MAPK4: variants seen among roughly 807,000 people sequenced by gnomAD.
The protein encoded by MAPK4 is mitogen-activated protein kinase 4, also known as Erk3-related.
A neutral mutation model predicts 47.7 loss-of-function variants in MAPK4; 22 were observed. The ratio of observed to expected loss-of-function variants is 0.46; its 90% CI spans 0.33 to 0.66. MAPK4 has a LOEUF of 0.66. MAPK4 is among the 30% of genes least tolerant of loss of function. The pLI is 0.02. For missense variants in MAPK4, 736 were observed against 831.7 expected (o/e 0.88, Z 1.42); for synonymous variants, 390 against 365.7 (o/e 1.07, Z -0.76).
At chr18:50,613,986 T>A (rs1269115175) in intron 1 of MAPK4, among the ~76,000 whole-genome samples, 4 of 152,250 alleles carry the variant, frequency 2.6e-5, no homozygotes, top group Non-Finnish European at 5.9e-5. Flanking sequence ...TTTAATATAT[T>A]CTATTCAACT....
At chr18:50,679,619 A>G (rs986194625) in intron 2 of MAPK4, among the ~76,000 whole-genome samples, 3 of 151,774 alleles carry the variant, frequency 2.0e-5, no homozygotes, top group Admixed American at 6.6e-5. Flanking sequence ...GAGCTGGGAC[A>G]AGATCTGCCT....
intron 1 of MAPK4, among the ~76,000 whole-genome samples, chr18:50,582,339 A>G (rs981291057): frequency 3.3e-5 from 5 of 152,188 alleles, no homozygotes; most frequent in African/African-American, 9.7e-5. Context: ...TCTACCACCT[A>G]TCCCCACCCT....
intron 4 of MAPK4, among the ~76,000 whole-genome samples, chr18:50,723,430 A>G (rs1013306777): frequency 1.8e-4 from 28 of 152,260 alleles, no homozygotes; most frequent in African/African-American, 6.8e-4. Flanking sequence ...GATGGATGTC[A>G]CATGGGACAT....
At chr18:50,587,502 G>A (rs1463782030) in intron 1 of MAPK4, among the ~76,000 whole-genome samples, 1 of 152,156 alleles carries the variant, frequency 6.6e-6, no homozygotes, top group Non-Finnish European at 1.5e-5. Context: ...AGTTTGGGGT[G>A]ACTCAAAAGG....
rs1911552324 is a variant in MAPK4, at chr18:50,731,312, C to T, written c.*1458C>T. 1 of 152,222 alleles carries T rather than the reference C, an allele frequency of 6.6e-6. No individual in the cohort carries two copies. Among genetic ancestry groups the T allele is most frequent in the Non-Finnish European group, 1.5e-5 (1 of 68,086 alleles). 9.4% of individuals were successfully genotyped at this position (152,222 alleles called of 1,614,324 possible). ...GGACACTGACAGCCCCTATCTGGTC[C>T]CCAGGAACATTCTACCATTTCTGCC... On this transcript the variant is annotated 3_prime_UTR_variant, in exon 6 of 6. Transcript: ENST00000400384.
At chr18:50,616,566 A>G (rs969546572) in intron 1 of MAPK4, among the ~76,000 whole-genome samples, 1 of 152,230 alleles carries the variant, frequency 6.6e-6, no homozygotes, top group South Asian at 2.1e-4. Flanking sequence ...GACCATCTGC[A>G]GGCTAAGGAG....
chr18:50,560,148 C>G lies in MAPK4; in HGVS notation c.-966C>G, dbSNP rs1412479217. 1.3e-5 allele frequency: 2 copies of G among 149,542 alleles called. No individual in the cohort carries two copies. Among genetic ancestry groups the G allele is most frequent in the African/African-American group, 4.9e-5 (2 of 41,130 alleles). The allele number at this position is 149,542 out of a possible 1,614,324, so 9.3% of individuals were successfully genotyped here. On this transcript the variant is annotated 5_prime_UTR_variant, in exon 1 of 6. Transcript: ENST00000400384. ...GCGACCGCGGGAGCTCGCCGTGCGC[C>G]GTGGCTGGGACCGGCCTGGCCGAGC...
At chr18:50,725,584 G>A (rs556568051) in intron 4 of MAPK4, among the ~76,000 whole-genome samples, 278 of 152,294 alleles carry the variant, frequency 1.8e-3, no homozygotes, top group Middle Eastern at 3.4e-3. Context: ...GGAGTAACCT[G>A]TCATGAGTGT....
chr18:50,603,644 T>C (rs1177179011), intron 1 of MAPK4, among the ~76,000 whole-genome samples: 1 of 152,240 alleles, frequency 6.6e-6, no homozygotes, highest in Non-Finnish European at 1.5e-5. Flanking sequence ...CTCATGGGCC[T>C]GTATGTACAA....
At chr18:50,574,900 A>G (rs2042281706) in intron 1 of MAPK4, among the ~76,000 whole-genome samples, 1 of 152,206 alleles carries the variant, frequency 6.6e-6, no homozygotes, top group South Asian at 2.1e-4. Flanking sequence ...TCAATGTGAA[A>G]GGAGGGATTA....
intron 1 of MAPK4, among the ~76,000 whole-genome samples, chr18:50,599,328 T>G (rs1405985304): frequency 6.6e-6 from 1 of 152,236 alleles, no homozygotes; most frequent in Non-Finnish European, 1.5e-5. Flanking sequence ...TCTTTTTACC[T>G]CACTTCTAAG....
intron 1 of MAPK4, among the ~76,000 whole-genome samples, chr18:50,588,052 G>A (rs1400604402): frequency 2.0e-5 from 3 of 152,140 alleles, no homozygotes; most frequent in Non-Finnish European, 4.4e-5. Flanking sequence ...GTTTATGCCA[G>A]TATTTCTCAG....
intron 2 of MAPK4, among the ~76,000 whole-genome samples, chr18:50,702,308 A>G (rs1259480555): frequency 3.9e-5 from 6 of 152,058 alleles, no homozygotes; most frequent in African/African-American, 7.2e-5. Context: ...AGTCCCAGCT[A>G]CTCAGGAGCC....
intron 5 of MAPK4, among the ~76,000 whole-genome samples, chr18:50,728,436 T>A (rs1911323538): frequency 6.6e-6 from 1 of 152,224 alleles, no homozygotes; most frequent in Non-Finnish European, 1.5e-5. Context: ...TGCAAGGTGC[T>A]ATGGGGCCCC....
chr18:50,593,580 T>A (rs1424449799), intron 1 of MAPK4, among the ~76,000 whole-genome samples: 1 of 152,212 alleles, frequency 6.6e-6, no homozygotes, highest in Non-Finnish European at 1.5e-5. Context: ...GGGCAGGACT[T>A]GTAGTGTGAG....
intron 1 of MAPK4, among the ~76,000 whole-genome samples, chr18:50,617,017 A>G (rs2042690620): frequency 6.6e-6 from 1 of 152,242 alleles, no homozygotes. Flanking sequence ...ATAAATGGCA[A>G]TGACTGTTAT....
chr18:50,730,032 T>C lies in MAPK4; in HGVS notation c.*178T>C. ...TTAAACTGCCTTAATAACTAGCCTT[T>C]AACCTGTGGGAGCGGGTTTGAACAG... On this transcript the variant is annotated 3_prime_UTR_variant, in exon 6 of 6. Coordinates refer to ENST00000400384, the MANE Select transcript of MAPK4 (RefSeq NM_002747.4). 1.6e-6 allele frequency: 1 copy of C among 621,102 alleles called. No individual in the cohort carries two copies. The highest frequency in any genetic ancestry group is 2.6e-6 in the Non-Finnish European group (1 of 385,506). The allele number at this position is 621,102 out of a possible 1,614,324, so 38.5% of individuals were successfully genotyped here.
intron 2 of MAPK4, among the ~76,000 whole-genome samples, chr18:50,677,349 T>C (rs1464357817): frequency 6.6e-6 from 1 of 152,208 alleles, no homozygotes; most frequent in African/African-American, 2.4e-5. Flanking sequence ...TGAACATTCA[T>C]GGTTTTATCA....
intron 1 of MAPK4, among the ~76,000 whole-genome samples, chr18:50,645,687 G>A (rs898599763): frequency 7.2e-5 from 11 of 152,158 alleles, no homozygotes; most frequent in African/African-American, 2.7e-4. Context: ...TCATTACACG[G>A]GCCTTATGGT....
Sources: allele counts gnomAD v4.1 joint callset (sites outside exome capture counted in the v4.1 genomes callset), GRCh38; gene constraint gnomAD v4.1.1; transcripts MANE v1.5; gene names NCBI Gene and HGNC (gene_info 2026-07-23, HGNC 2026-07-21).